CSPG4: variants seen among roughly 807,000 people sequenced by gnomAD.
CSPG4 encodes chondroitin sulfate proteoglycan 4, also known as chondroitin sulfate proteoglycan 4 (melanoma-associated).
CSPG4 carries 74 observed loss-of-function variants against 139.3 expected under a neutral mutation model. That is an observed-to-expected ratio of 0.53 (90% CI 0.44 to 0.64). CSPG4 has a LOEUF of 0.64. Ranked by LOEUF, CSPG4 falls within the 30% of genes least tolerant of loss-of-function variation. The probability of loss-of-function intolerance (pLI) is 0.00; values close to 1 mark genes in which losing one functional copy is unlikely to be tolerated. For missense variants in CSPG4, 2,565 were observed against 3,148.3 expected (o/e 0.81, Z 4.43); for synonymous variants, 1,234 against 1,394.2 (o/e 0.89, Z 2.56).
At chr15:75,709,852 C>A (rs1047530519) in intron 1 of CSPG4, among the ~76,000 whole-genome samples, 1 of 151,958 alleles carries the variant, frequency 6.6e-6, no homozygotes, top group South Asian at 2.1e-4. Context: ...CCTGCCCGGG[C>A]GGGCAGGCGT....
chr15:75,690,284 G>C lies in CSPG4; in HGVS notation c.781C>G (p.Arg261Gly). 9 of 1,613,074 alleles carry C rather than the reference G, an allele frequency of 5.6e-6. No homozygotes were observed. The highest frequency in any genetic ancestry group is 1.3e-5 in the African/African-American group (1 of 75,046). Reference sequence around the variant, plus strand: ...CCCTGGCCCTTCTCCACCACGGCCCGCAGGTGGCCCTCAAATATGTCCACA... The same window carrying C: ...CCCTGGCCCTTCTCCACCACGGCCCCCAGGTGGCCCTCAAATATGTCCACA... ...IYVDIFEGHL[R>G]AVVEKGQGTV... The change falls in exon 3 of 10, where the codon CGG becomes GGG. Residue 261 changes from arginine to glycine, a missense_variant. Arg to Gly is a moderately radical substitution (Grantham distance 125). Coordinates refer to ENST00000308508, the MANE Select transcript of CSPG4 (RefSeq NM_001897.5).
At position 75,687,371 on chromosome 15, in the gene CSPG4, G is replaced by C. The variant is rs1894075237; in HGVS notation, c.3694C>G (p.Leu1232Val). ...TTCAGTGGGGCCAGTGGGCCCTCTA[G>C]GGCAATGGTCACTTGTAGGGTGGCA... is the stretch of plus-strand genomic sequence containing the variant. ...TDATLQVTIALEGPLAPLKLV... is the reference protein window; with the variant it reads ...TDATLQVTIAVEGPLAPLKLV... Residue 1232 changes from leucine (L) to valine (V), a missense_variant, in exon 3 of 10, where the codon CTA becomes GTA. Physicochemically the swap from Leu to Val is conservative, Grantham distance 32. Coordinates refer to ENST00000308508, the MANE Select transcript of CSPG4 (RefSeq NM_001897.5). The surrounding 1 kb of genome is among the most constrained non-coding windows in gnomAD (Gnocchi z 5.4). The C allele has an allele frequency of 5.0e-6, 8 of 1,612,858 alleles. No individual in the cohort carries two copies. The highest frequency in any genetic ancestry group is 6.8e-6 in the Non-Finnish European group (8 of 1,180,040).
In CSPG4 at chr15:75,688,991, C is replaced by A. The variant is rs371543801; in HGVS notation, c.2074G>T (p.Ala692Ser). Reference sequence around the variant, plus strand: ...AGCACGCTCACATCCTGCCCCACGGCATTGGTCTCCACCGACAGGTTGGCG... The same window carrying A: ...AGCACGCTCACATCCTGCCCCACGGAATTGGTCTCCACCGACAGGTTGGCG... The part of the protein sequence containing the change: ...LPANLSVETN[A>S]VGQDVSVLFR... Residue 692 changes from alanine to serine, a missense_variant, in exon 3 of 10, where the codon GCC becomes TCC. Coordinates refer to ENST00000308508, the MANE Select transcript of CSPG4 (RefSeq NM_001897.5). The A allele has an allele frequency of 6.2e-7, 1 of 1,612,428 alleles. No homozygotes were observed. The highest frequency in any genetic ancestry group is 8.5e-7 in the Non-Finnish European group (1 of 1,180,024).
intron 1 of CSPG4, among the ~76,000 whole-genome samples, chr15:75,711,084 C>T (rs1230113573): frequency 6.6e-6 from 1 of 152,218 alleles, no homozygotes; most frequent in Non-Finnish European, 1.5e-5. Flanking sequence ...TCTGCTTACG[C>T]CCACCTTGGT....
intron 3 of CSPG4, among the ~76,000 whole-genome samples, chr15:75,686,245 G>A (rs1034955061): frequency 1.3e-5 from 2 of 152,146 alleles, no homozygotes; most frequent in African/African-American, 4.8e-5. Context: ...ATATGCTGAC[G>A]CAGTCACACA....
In CSPG4 at chr15:75,675,631, T is replaced by C; in HGVS notation, c.6888A>G (p.Pro2296=). The stretch of plus-strand genomic sequence containing the variant: ...GCAGCTCTGGGTCAGGCTGGCCTCC[T>C]GGAGGGGGCCCCTGGCCAGGCACAG... ...LTAVPGQGPP[P]GGQPDPELLQ... is the part of the protein sequence containing the mutation. The change falls in exon 10 of 10, where the codon CCA becomes CCG. Residue 2296 remains proline (P), a synonymous_variant. Coordinates refer to ENST00000308508, the MANE Select transcript of CSPG4 (RefSeq NM_001897.5). The C allele has an allele frequency of 6.6e-7, 1 of 1,520,446 alleles. No homozygotes were observed. Among genetic ancestry groups the C allele is most frequent in the Non-Finnish European group, 8.8e-7 (1 of 1,134,962 alleles). 94.2% of individuals were successfully genotyped at this position (1,520,446 alleles called of 1,614,324 possible). A position where few individuals can be genotyped will look rare whatever the true frequency, so the allele number is the denominator to read the frequency against.
intron 1 of CSPG4, among the ~76,000 whole-genome samples, chr15:75,707,144 A>T (rs569167385): frequency 5.9e-5 from 9 of 152,068 alleles, no homozygotes; most frequent in African/African-American, 2.2e-4. Context: ...TTTAGTAGAG[A>T]CAGGGTTTCA....
Position 75,685,690 on chromosome 15 carries a change from C to T in CSPG4, c.3801G>A (p.Glu1267=), listed in dbSNP as rs761547450. Reference sequence around the variant, plus strand: ...ATACGATGTCTGCAGGTGGCACTGCCTCCTGGGCTGCCTGGTTAACAGAGG... The same window carrying T: ...ATACGATGTCTGCAGGTGGCACTGCTTCCTGGGCTGCCTGGTTAACAGAGG... The part of the protein sequence containing the change: ...IRRDQLEAAQ[E]AVPPADIVFS... Residue 1267 remains glutamate (E), a synonymous_variant, in exon 4 of 10, where the codon GAG becomes GAA. Transcript: ENST00000308508. The T allele has an allele frequency of 1.9e-6, 3 of 1,594,012 alleles. No homozygotes were observed. Among genetic ancestry groups the T allele is most frequent in the Admixed American group, 1.7e-5 (1 of 59,708 alleles).
In CSPG4 at chr15:75,690,136, C is replaced by G; in HGVS notation, c.929G>C (p.Arg310Pro). 6.2e-7 allele frequency: 1 copy of G among 1,613,038 alleles called. No homozygotes were observed. Among genetic ancestry groups the G allele is most frequent in the Non-Finnish European group, 8.5e-7 (1 of 1,179,926 alleles). ...VDQYPTHTSN[R>P]GVLSYLEPRG... ...TGGCTCCAGGTAGCTGAGGACTCCT[C>G]GGTTCGAAGTATGCGTAGGGTACTG... The change falls in exon 3 of 10, where the codon CGA becomes CCA. Residue 310 changes from arginine (R) to proline (P), a missense_variant. Arg to Pro is a moderately radical substitution (Grantham distance 103). Transcript: ENST00000308508.
At chr15:75,710,384 CAGA>C (rs1349375816) in intron 1 of CSPG4, among the ~76,000 whole-genome samples, 4 of 152,198 alleles carry the variant, frequency 2.6e-5, no homozygotes, top group African/African-American at 9.7e-5. Context: ...CCATACAGCT[CAGA>C]AGGAGCTGGA....
rs201391275 is a variant in CSPG4, at chr15:75,682,397, G to A, written c.4846C>T (p.Gln1616Ter). The change falls in exon 8 of 10, where the codon CAG becomes TAG. Residue 1616 changes from glutamine to a stop codon, truncating the protein, a stop_gained. Coordinates refer to ENST00000308508, the MANE Select transcript of CSPG4 (RefSeq NM_001897.5). LOFTEE classifies it high-confidence loss of function. ...CGCACCACACGGTAGAGCAGGAGCT[G>A]GGGGTCAGTGCCTGCGCTGGAGCTG... is the stretch of plus-strand genomic sequence containing the variant. The part of the protein sequence containing the change: ...RASSSAGTDP[Q>*]LLLYRVVRGP... The A allele has an allele frequency of 2.5e-6, 4 of 1,596,216 alleles. No individual in the cohort carries two copies. Among genetic ancestry groups the A allele is most frequent in the Non-Finnish European group, 3.4e-6 (4 of 1,179,446 alleles).
chr15:75,681,924 C>G (rs919607918), intron 8 of CSPG4, among the ~76,000 whole-genome samples: 1 of 152,238 alleles, frequency 6.6e-6, no homozygotes, highest in Non-Finnish European at 1.5e-5. Flanking sequence ...AACTCCATCC[C>G]CCACCAAGCA....
intron 4 of CSPG4, 143 bp from the exon 5 acceptor site, chr15:75,685,055 T>C: frequency 7.9e-7 from 1 of 1,262,908 alleles, no homozygotes; most frequent in Non-Finnish European, 1.1e-6. Context: ...CTCCGAGGAG[T>C]TGTGAGGAAG....
At chr15:75,711,672 G>T (rs1284428273) in intron 1 of CSPG4, among the ~76,000 whole-genome samples, 2 of 152,268 alleles carry the variant, frequency 1.3e-5, no homozygotes, top group Non-Finnish European at 2.9e-5. Flanking sequence ...GGGCCCTTGT[G>T]AAGGAGGCTC....
chr15:75,700,516 T>C (rs879758257), intron 1 of CSPG4, among the ~76,000 whole-genome samples: 7 of 151,910 alleles, frequency 4.6e-5, no homozygotes, highest in Non-Finnish European at 7.4e-5. Context: ...GATGACTAGG[T>C]CCAGAAGCCA....
rs143857519 is a variant in CSPG4, at chr15:75,688,314, G to A, written c.2751C>T (p.Leu917=). 1 of 1,613,122 alleles carries A rather than the reference G, an allele frequency of 6.2e-7. No homozygotes were observed. Among genetic ancestry groups the A allele is most frequent in the Non-Finnish European group, 8.5e-7 (1 of 1,180,052 alleles). Residue 917 remains leucine, a synonymous_variant, in exon 3 of 10, where the codon CTC becomes CTT. Transcript: ENST00000308508. ...LVVPEGGEGV[L]SADHLFVKSL... is the part of the protein sequence containing the mutation. ...TCTTGACAAAGAGGTGGTCAGCAGA[G>A]AGGACACCCTCACCACCCTCAGGCA...
chr15:75,705,733 G>T (rs1345432023), intron 1 of CSPG4, among the ~76,000 whole-genome samples: 1 of 152,184 alleles, frequency 6.6e-6, no homozygotes, highest in Non-Finnish European at 1.5e-5. Flanking sequence ...ATGGGGCCTG[G>T]GTCAGGGCTG....
chr15:75,683,100 C>G, intron 5 of CSPG4, 59 bp from the exon 6 acceptor site: 1 of 1,522,610 alleles, frequency 6.6e-7, no homozygotes. Flanking sequence ...CCTTCCTCCC[C>G]GGCCCTGGGC....
Position 75,675,639 on chromosome 15 carries a change from G to A in CSPG4, c.6880C>T (p.Pro2294Ser), listed in dbSNP as rs2141419288. 6.6e-7 allele frequency: 1 copy of A among 1,520,952 alleles called. No homozygotes were observed. The highest frequency in any genetic ancestry group is 1.4e-5 in the African/African-American group (1 of 71,836). The allele number at this position is 1,520,952 out of a possible 1,614,324, so 94.2% of individuals were successfully genotyped here. A position where few individuals can be genotyped will look rare whatever the true frequency, so the allele number is the denominator to read the frequency against. The change falls in exon 10 of 10, where the codon CCC (proline) becomes TCC (serine). Residue 2294 changes from proline to serine, a missense_variant. This residue lies in a region of CSPG4 where 2,316 missense variants were observed against 2,818.2 expected (regional missense o/e 0.82). Transcript: ENST00000308508. ...IPLTAVPGQG[P>S]PPGGQPDPEL... ...GGGTCAGGCTGGCCTCCTGGAGGGGGCCCCTGGCCAGGCACAGCTGTGAGC... is the reference window on the plus strand; with the variant it reads ...GGGTCAGGCTGGCCTCCTGGAGGGGACCCCTGGCCAGGCACAGCTGTGAGC...
Sources: allele counts gnomAD v4.1 joint callset (sites outside exome capture counted in the v4.1 genomes callset), GRCh38; gene constraint gnomAD v4.1.1; regional missense constraint gnomAD v4.1.1; non-coding constraint Gnocchi (gnomAD v3.1); transcripts MANE v1.5; gene names NCBI Gene and HGNC (gene_info 2026-07-23, HGNC 2026-07-21).